DPP10: variants seen among roughly 807,000 people sequenced by gnomAD.
The protein encoded by DPP10 is dipeptidyl peptidase like 10.
DPP10 carries 33 observed loss-of-function variants against 120.9 expected under a neutral mutation model. That is an observed-to-expected ratio of 0.27 (90% confidence interval 0.21 to 0.37). The LOEUF (loss-of-function observed/expected upper bound fraction) is 0.37, where lower values mean the gene tolerates loss of function less well. Ranked by LOEUF, DPP10 falls within the 10% of genes least tolerant of loss-of-function variation. The pLI, the probability that DPP10 is intolerant of heterozygous loss-of-function variation, is 1.00. For synonymous variants in DPP10, 337 were observed against 326.1 expected (o/e 1.03, Z -0.36); for missense variants, 816 against 942.8 (o/e 0.87, Z 1.76).
intron 3 of DPP10, among the ~76,000 whole-genome samples, chr2:115,377,991 C>T (rs927614283): frequency 1.3e-5 from 2 of 151,776 alleles, no homozygotes; most frequent in Non-Finnish European, 2.9e-5. Flanking sequence ...TAGTGTGATG[C>T]CTCCAGCTTT....
At chr2:114,679,647 C>G (rs1029403013) in intron 1 of DPP10, among the ~76,000 whole-genome samples, 49 of 151,770 alleles carry the variant, frequency 3.2e-4, no homozygotes, top group South Asian at 4.2e-4. Context: ...TTTCATAATC[C>G]CTTTGATAAT....
intron 1 of DPP10, among the ~76,000 whole-genome samples, chr2:115,069,740 G>C (rs1707218060): frequency 6.6e-6 from 1 of 151,594 alleles, no homozygotes; most frequent in South Asian, 2.1e-4. Flanking sequence ...ATCGCGTGCT[G>C]ATGAATTTAG....
chr2:114,897,653 A>G (rs1263747648), intron 1 of DPP10, among the ~76,000 whole-genome samples: 4 of 151,888 alleles, frequency 2.6e-5, no homozygotes, highest in Non-Finnish European at 4.4e-5. Context: ...ATTTACAAGA[A>G]AAAAACAAAC....
chr2:114,877,245 A>C (rs1691232971), intron 1 of DPP10, among the ~76,000 whole-genome samples: 3 of 152,114 alleles, frequency 2.0e-5, no homozygotes, highest in Admixed American at 2.0e-4. Context: ...CTGATTAAGA[A>C]AGAAGAAAAA....
chr2:114,791,702 T>TG (rs1350414751), intron 1 of DPP10, among the ~76,000 whole-genome samples: 1 of 152,310 alleles, frequency 6.6e-6, no homozygotes, highest in East Asian at 1.9e-4. Context: ...CTTGTGTTAA[T>TG]GACTCATGAA....
chr2:114,692,673 G>T (rs1699836208), intron 1 of DPP10, among the ~76,000 whole-genome samples: 1 of 151,928 alleles, frequency 6.6e-6, no homozygotes, highest in African/African-American at 2.4e-5. Flanking sequence ...AATATTGTCA[G>T]TGAGGTATTA....
chr2:115,765,413 A>G (rs1680595132), intron 12 of DPP10, among the ~76,000 whole-genome samples: 2 of 152,200 alleles, frequency 1.3e-5, no homozygotes, highest in Non-Finnish European at 2.9e-5. Flanking sequence ...CTATTCACCA[A>G]TTATGAGTTG....
At chr2:115,713,586 A>G (rs1575586154) in intron 7 of DPP10, among the ~76,000 whole-genome samples, 1 of 152,144 alleles carries the variant, frequency 6.6e-6, no homozygotes, top group African/African-American at 2.4e-5. Context: ...GATGGGATTC[A>G]TTGAAGCTCC....
chr2:115,635,195 T>C (rs889158904), intron 5 of DPP10, among the ~76,000 whole-genome samples: 1 of 150,384 alleles, frequency 6.6e-6, no homozygotes, highest in African/African-American at 2.5e-5. Flanking sequence ...CTCAGCCATC[T>C]TAGGCAGCAT....
intron 1 of DPP10, among the ~76,000 whole-genome samples, chr2:114,504,266 A>G (rs1683442569): frequency 6.6e-6 from 1 of 152,162 alleles, no homozygotes; most frequent in Non-Finnish European, 1.5e-5. Flanking sequence ...ATATGTTACT[A>G]TGAGACAAAT....
intron 3 of DPP10, among the ~76,000 whole-genome samples, chr2:115,353,461 T>G (rs1472063095): frequency 6.6e-6 from 1 of 152,166 alleles, no homozygotes; most frequent in Admixed American, 6.6e-5. Context: ...TTGATCTCCT[T>G]TAGCAGATTA....
At chr2:115,531,849 GC>G (rs1007902037) in intron 5 of DPP10, among the ~76,000 whole-genome samples, 1 of 151,954 alleles carries the variant, frequency 6.6e-6, no homozygotes, top group African/African-American at 2.4e-5. Context: ...GATTAATTCT[GC>G]CTGTTTTTGC....
chr2:115,370,941 C>T (rs1354945661), intron 3 of DPP10, among the ~76,000 whole-genome samples: 1 of 152,052 alleles, frequency 6.6e-6, no homozygotes, highest in Non-Finnish European at 1.5e-5. Context: ...TGAGTGTCTT[C>T]TTCAAATAAA....
chr2:114,453,412 T>A (rs1299283680), intron 1 of DPP10, among the ~76,000 whole-genome samples: 9 of 152,216 alleles, frequency 5.9e-5, no homozygotes, highest in Non-Finnish European at 1.3e-4. Context: ...TCATTTCTTT[T>A]TTCTTTGTTA....
chr2:115,707,270 G>C (rs1317416614), intron 7 of DPP10, among the ~76,000 whole-genome samples: 1 of 151,786 alleles, frequency 6.6e-6, no homozygotes, highest in African/African-American at 2.4e-5. Flanking sequence ...GACTTTTATA[G>C]AACACTATAT....
At chr2:114,825,575 A>T (rs1686453205) in intron 1 of DPP10, among the ~76,000 whole-genome samples, 1 of 152,242 alleles carries the variant, frequency 6.6e-6, no homozygotes, top group Non-Finnish European at 1.5e-5. Context: ...CTTTCTTATC[A>T]GCTTAGGCAT....
chr2:115,401,610 G>T (rs572204840), intron 3 of DPP10, among the ~76,000 whole-genome samples: 1 of 151,942 alleles, frequency 6.6e-6, no homozygotes, highest in Non-Finnish European at 1.5e-5. Context: ...ATAAATAGAC[G>T]CAGGGCAGTA....
intron 5 of DPP10, among the ~76,000 whole-genome samples, chr2:115,532,109 C>G (rs992211209): frequency 2.0e-5 from 3 of 152,050 alleles, no homozygotes; most frequent in Non-Finnish European, 2.9e-5. Flanking sequence ...ATTTCCCATC[C>G]ATTACTCTGC....
intron 8 of DPP10, among the ~76,000 whole-genome samples, chr2:115,735,684 ATTTTTTTTTTTT>A (rs70941095): frequency 1.6e-5 from 1 of 62,462 alleles, no homozygotes; most frequent in African/African-American, 7.2e-5. Flanking sequence ...CGCCCAGCTA[ATTTTTTTTTTTT>A]TTTTTTTTTT....
Sources: gnomAD v4.1 joint callset for allele counts (sites outside exome capture counted in the v4.1 genomes callset) on GRCh38, gnomAD v4.1.1 for gene constraint, MANE v1.5 for transcripts, NCBI Gene and HGNC (gene_info 2026-07-23, HGNC 2026-07-21) for gene names.